RPS6KA4: variants seen among roughly 807,000 people sequenced by gnomAD.
RPS6KA4 encodes the protein ribosomal protein S6 kinase alpha-4.
RPS6KA4 carries 38 observed loss-of-function variants against 89.6 expected under a neutral mutation model. That is an observed-to-expected ratio of 0.42 (90% CI 0.33 to 0.56). The LOEUF is 0.56. Ranked by LOEUF, RPS6KA4 falls within the 20% of genes least tolerant of loss-of-function variation. RPS6KA4 has a pLI of 0.07. For synonymous variants in RPS6KA4, 495 were observed against 492.8 expected (o/e 1.00, Z -0.06); for missense variants, 873 against 1,098.8 (o/e 0.79, Z 2.90).
In RPS6KA4 at chr11:64,369,410, G is replaced by T. The variant is rs749086608; in HGVS notation, c.1429-36G>T. ...GGTGGGAGGGGGCTTGCCGCCGTGG[G>T]TGGGTGTTGACCTTGGCCCGCCACG... is the stretch of plus-strand genomic sequence containing the variant. On this transcript the variant is annotated intron_variant, in intron 12 of 16. Transcript: ENST00000334205. 2.9e-5 allele frequency: 45 copies of T among 1,541,088 alleles called. No homozygotes were observed. In the African/African-American group the frequency reaches 5.2e-4, roughly 18 times the overall value.
At chr11:64,367,690 T>C (rs1241601247) in intron 9 of RPS6KA4, among the ~76,000 whole-genome samples, 1 of 152,256 alleles carries the variant, frequency 6.6e-6, no homozygotes, top group Non-Finnish European at 1.5e-5. Context: ...AAGAATTAAC[T>C]CTGCCTTCTT....
Position 64,370,045 on chromosome 11 carries a change from G to C in RPS6KA4, c.1797+152G>C. 1 of 1,117,778 alleles carries C rather than the reference G, an allele frequency of 8.9e-7. No homozygotes were observed. The highest frequency in any genetic ancestry group is 2.6e-5 in the East Asian group (1 of 37,830). The allele number at this position is 1,117,778 out of a possible 1,614,324, so 69.2% of individuals were successfully genotyped here. A position where few individuals can be genotyped will look rare whatever the true frequency, so the allele number is the denominator to read the frequency against. ...GGATCGGGGTGGTTCAAATACAGAG[G>C]TGGGGTCGCTCTGGTGCTAGAGTCG... On this transcript the variant is annotated intron_variant, in intron 14 of 16. Coordinates refer to ENST00000334205, the MANE Select transcript of RPS6KA4 (RefSeq NM_003942.3). This position sits in a 1 kb window ranked among gnomAD's most constrained non-coding sequence, Gnocchi z 4.1.
Position 64,370,473 on chromosome 11 carries a change from G to C in RPS6KA4, c.1957+89G>C. 30 of 1,604,076 alleles carry C rather than the reference G, an allele frequency of 1.9e-5. No individual in the cohort carries two copies. Among genetic ancestry groups the C allele is most frequent in the Non-Finnish European group, 2.5e-5 (29 of 1,175,116 alleles). ...GGGCCAGGTGTCCTGGTTGGGGATG[G>C]GTAGGGGAGGAGAGTGGGGCTGTTA... On this transcript the variant is annotated intron_variant, in intron 15 of 16. Transcript: ENST00000334205. This position sits in a 1 kb window ranked among gnomAD's most constrained non-coding sequence, Gnocchi z 4.1.
In RPS6KA4 at chr11:64,361,695, C is replaced by T. The variant is rs772841619; in HGVS notation, c.705C>T (p.Ala235=). The change falls in exon 7 of 17, where the codon GCC becomes GCT. Residue 235 remains alanine, a synonymous_variant. Coordinates refer to ENST00000334205, the MANE Select transcript of RPS6KA4 (RefSeq NM_003942.3). This position sits in a 1 kb window ranked among gnomAD's most constrained non-coding sequence, Gnocchi z 4.7. ...TGCTCTTCGAGCTGCTGACGGGGGC[C>T]TCGCCCTTCACCCTGGAGGGCGAGA... is the stretch of plus-strand genomic sequence containing the variant. ...GILLFELLTG[A]SPFTLEGERN... is the part of the protein sequence containing the mutation. The T allele has an allele frequency of 3.7e-6, 6 of 1,611,660 alleles. No homozygotes were observed. In the African/African-American group the frequency reaches 5.4e-5, roughly 14 times the overall value.
In RPS6KA4 at chr11:64,371,345, C is replaced by CA; in HGVS notation, c.2186dup (p.Arg730AlafsTer74). 6.2e-7 allele frequency: 1 copy of CA among 1,612,886 alleles called. No homozygotes were observed. The highest frequency in any genetic ancestry group is 8.5e-7 in the Non-Finnish European group (1 of 1,179,938). On this transcript the variant is annotated frameshift_variant, in exon 17 of 17. Coordinates refer to ENST00000334205, the MANE Select transcript of RPS6KA4 (RefSeq NM_003942.3). LOFTEE classifies it high-confidence loss of function. ...AGAGCGTGGAGAATGCACCCCTGGC[C>CA]AAGCGGCGGAAGCAGAAGCTGCGGA... is the stretch of plus-strand genomic sequence containing the variant.
intron 8 of RPS6KA4, among the ~76,000 whole-genome samples, chr11:64,362,925 C>T (rs1285981092): frequency 6.6e-6 from 1 of 152,190 alleles, no homozygotes; most frequent in Non-Finnish European, 1.5e-5. Context: ...CCTGCCTCAT[C>T]CTCCCAAAGT....
Position 64,359,467 on chromosome 11 carries a change from C to T in RPS6KA4, c.127+18C>T. On this transcript the variant is annotated intron_variant, in intron 2 of 16. Transcript: ENST00000334205. ...CACGGGAGGTGAGGACCCCCATCCA[C>T]CGGGCAGGCGTCCCAGGCGCGGTGC... The T allele has an allele frequency of 1.2e-6, 2 of 1,612,688 alleles. No individual in the cohort carries two copies. The highest frequency in any genetic ancestry group is 1.7e-6 in the Non-Finnish European group (2 of 1,179,464).
chr11:64,368,672 G>A (rs763098396), intron 11 of RPS6KA4, 32 bp from the exon 12 acceptor site: 2 of 1,573,416 alleles, frequency 1.3e-6, no homozygotes, highest in Non-Finnish European at 1.7e-6. Context: ...CCGAAGCGCG[G>A]CGACCGTAAC....
chr11:64,364,157 A>T (rs1321458209), intron 8 of RPS6KA4, among the ~76,000 whole-genome samples: 24 of 143,022 alleles, frequency 1.7e-4, no homozygotes, highest in Non-Finnish European at 1.8e-4. Flanking sequence ...TTTTTTTTTA[A>T]TTTTTTTTTT....
At position 64,370,495 on chromosome 11, in the gene RPS6KA4, G is replaced by A. The variant is rs1238126543; in HGVS notation, c.1958-68G>A. ...ATGGGTAGGGGAGGAGAGTGGGGCT[G>A]TTACGATCTCTTTGGGGCTCAGCCT... On this transcript the variant is annotated intron_variant, in intron 15 of 16. Coordinates refer to ENST00000334205, the MANE Select transcript of RPS6KA4 (RefSeq NM_003942.3). The surrounding 1 kb of genome is among the most constrained non-coding windows in gnomAD (Gnocchi z 4.1). 2 of 1,598,390 alleles carry A rather than the reference G, an allele frequency of 1.3e-6. No homozygotes were observed. Among genetic ancestry groups the A allele is most frequent in the South Asian group, 1.1e-5 (1 of 90,376 alleles).
At chr11:64,368,317 G>C (rs1301431686) in intron 10 of RPS6KA4, 57 bp downstream of exon 10, 2 of 1,584,822 alleles carry the variant, frequency 1.3e-6, no homozygotes, top group Non-Finnish European at 1.7e-6. Context: ...GCCTAGGCCC[G>C]GGGACTCTAG....
Position 64,371,461 on chromosome 11 carries a change from GCCCCCTGC to G in RPS6KA4, c.2307_2314del (p.Pro770LeufsTer31). On this transcript the variant is annotated frameshift_variant, in exon 17 of 17. Transcript: ENST00000334205. LOFTEE classifies it high-confidence loss of function. ...AAAGGGGCCCCCCGCCGAGCCAACG[GCCCCCTGC>G]CCCCCTCCTAATCCCCACCACTGTG... 1 of 1,333,764 alleles carries G rather than the reference GCCCCCTGC, an allele frequency of 7.5e-7. No individual in the cohort carries two copies. The highest frequency in any genetic ancestry group is 1.1e-6 in the Non-Finnish European group (1 of 948,422). The allele number at this position is 1,333,764 out of a possible 1,614,324, so 82.6% of individuals were successfully genotyped here. A position where few individuals can be genotyped will look rare whatever the true frequency, so the allele number is the denominator to read the frequency against.
intron 8 of RPS6KA4, among the ~76,000 whole-genome samples, chr11:64,364,205 A>G (rs1211303700): frequency 2.0e-5 from 3 of 146,760 alleles, no homozygotes; most frequent in Admixed American, 6.9e-5. Flanking sequence ...GGGTTGCTTC[A>G]TGGTCCAACA....
chr11:64,369,393 G>T (rs543979905), intron 12 of RPS6KA4, 53 bp from the exon 13 acceptor site: 9 of 1,503,568 alleles, frequency 6.0e-6, no homozygotes, highest in Admixed American at 6.0e-5. Flanking sequence ...GTGGTGGGAG[G>T]GGGCTTGCCG....
chr11:64,368,293 TG>T, intron 10 of RPS6KA4, 33 bp downstream of exon 10: 1 of 1,609,024 alleles, frequency 6.2e-7, no homozygotes, highest in Non-Finnish European at 8.5e-7. Flanking sequence ...GGGGGGAAAT[TG>T]GTTTTAGGAG....
intron 12 of RPS6KA4, among the ~76,000 whole-genome samples, 197 bp from the exon 13 acceptor site, chr11:64,369,249 C>A (rs11231769): frequency 0.34 from 51,856 of 151,958 alleles, 9,305 homozygotes; most frequent in East Asian, 0.61. Flanking sequence ...CGAGGTGGTG[C>A]CACTGCATTC....
At chr11:64,371,187 G>C (rs2037062238) in intron 16 of RPS6KA4, 96 bp from the exon 17 acceptor site, 6 of 1,232,356 alleles carry the variant, frequency 4.9e-6, no homozygotes, top group Non-Finnish European at 7.0e-6. Flanking sequence ...CCTTGACCTA[G>C]GCGGCTGGAG....
Position 64,371,690 on chromosome 11 carries a change from T to G in RPS6KA4, c.*210T>G. The G allele has an allele frequency of 2.1e-6, 1 of 479,990 alleles. No individual in the cohort carries two copies. The allele number at this position is 479,990 out of a possible 1,614,324, so 29.7% of individuals were successfully genotyped here. A position where few individuals can be genotyped will look rare whatever the true frequency, so the allele number is the denominator to read the frequency against. On this transcript the variant is annotated 3_prime_UTR_variant, in exon 17 of 17. Transcript: ENST00000334205. ...ATAGAGTTGCAGGGAAGGGGGGGCC[T>G]GCTGGGGAGTGGGGTTTGGGGGGCC...
At chr11:64,365,752 C>T (rs2036864187) in intron 9 of RPS6KA4, among the ~76,000 whole-genome samples, 1 of 152,180 alleles carries the variant, frequency 6.6e-6, no homozygotes, top group South Asian at 2.1e-4. Flanking sequence ...AAATTATTCA[C>T]TTGCGGCTGG....
Sources: gnomAD v4.1 joint callset for allele counts (sites outside exome capture counted in the v4.1 genomes callset) on GRCh38, gnomAD v4.1.1 for gene constraint, Gnocchi (gnomAD v3.1) non-coding constraint, MANE v1.5 for transcripts, NCBI Gene and HGNC (gene_info 2026-07-23, HGNC 2026-07-21) for gene names.